Variants in VOPP1 observed in about 807,000 individuals in gnomAD.
The protein encoded by VOPP1 is WW domain binding protein VOPP1.
In VOPP1, 8 loss-of-function variants were observed where a neutral mutation model predicts 23.5. The ratio of observed to expected loss-of-function variants is 0.34; its 90% CI spans 0.20 to 0.61. VOPP1 has a LOEUF of 0.61. Among genes scored for constraint, VOPP1 ranks in the 20% least tolerant of loss-of-function variants. The pLI, the probability that VOPP1 is intolerant of heterozygous loss-of-function variation, is 0.78. For synonymous variants in VOPP1, 83 were observed against 97.3 expected, an observed-to-expected ratio of 0.85 and a Z score of 0.86; for missense variants, 174 against 238.1, an observed-to-expected ratio of 0.73 and a Z score of 1.77.
At chr7:55,534,382 T>G (rs1796662712) in intron 1 of VOPP1, among the ~76,000 whole-genome samples, 1 of 152,186 alleles carries the variant, frequency 6.6e-6, no homozygotes, top group South Asian at 2.1e-4. Flanking sequence ...ACCTGTGGCT[T>G]GGGCCAATTC....
chr7:55,565,667 G>A (rs769803742), intron 1 of VOPP1, among the ~76,000 whole-genome samples: 2 of 152,234 alleles, frequency 1.3e-5, no homozygotes, highest in South Asian at 4.1e-4. Context: ...CTATTGTGAG[G>A]TGTGGTGGAT....
chr7:55,453,654 A>C (rs112457744), intron 4 of VOPP1, among the ~76,000 whole-genome samples: 1,832 of 152,338 alleles, frequency 0.012, 13 homozygotes, highest in Admixed American at 0.021. Flanking sequence ...ACTAACATCA[A>C]ATATCACTGA....
downstream of VOPP1, among the ~76,000 whole-genome samples, chr7:55,469,412 A>C (rs1473809482): frequency 6.6e-6 from 1 of 152,186 alleles, no homozygotes; most frequent in African/African-American, 2.4e-5. Context: ...ACTCTGAGTT[A>C]GTTTTATCAC....
At chr7:55,442,761 T>C (rs1193296253) in intron 4 of VOPP1, among the ~76,000 whole-genome samples, 4 of 151,988 alleles carry the variant, frequency 2.6e-5, no homozygotes, top group Non-Finnish European at 5.9e-5. Context: ...TGAGGATGGA[T>C]GCAAGAGGCT....
In VOPP1 at chr7:55,445,244, G is replaced by GAC. The variant is rs202053072; in HGVS notation, n.418-9072_418-9071dup. 3.5e-3 allele frequency among the ~76,000 whole-genome samples: 425 copies of GAC among 121,474 alleles called. 2 individuals carry two copies. The highest frequency in any genetic ancestry group is 0.016 in the South Asian group (59 of 3,720). The allele number at this position is 121,474 out of a possible 152,430, so 79.7% of individuals were successfully genotyped here. ...ACACACACACAGACACACACACACA[G>GAC]ACACACACACACACACACAGACATA... On this transcript the variant is annotated intron_variant and non_coding_transcript_variant, in intron 4 of 4. Coordinates refer to the VOPP1 transcript ENST00000462326.
chr7:55,443,140 C>G (rs145283793), intron 4 of VOPP1, among the ~76,000 whole-genome samples: 2 of 151,926 alleles, frequency 1.3e-5, no homozygotes, highest in African/African-American at 4.8e-5. Flanking sequence ...AATAAATAAA[C>G]TAAAAAATAA....
chr7:55,567,577 C>G (rs749938877), intron 1 of VOPP1, among the ~76,000 whole-genome samples: 1 of 152,204 alleles, frequency 6.6e-6, no homozygotes, highest in Non-Finnish European at 1.5e-5. Context: ...GCCTTTATAG[C>G]TGTGCCCAAA....
intron 1 of VOPP1, among the ~76,000 whole-genome samples, chr7:55,556,638 C>T (rs1015872107): frequency 6.7e-6 from 1 of 148,912 alleles, no homozygotes; most frequent in East Asian, 2.0e-4. Flanking sequence ...CTGTTGGAAC[C>T]CCCCCCCAAA....
intron 1 of VOPP1, among the ~76,000 whole-genome samples, chr7:55,547,237 A>G (rs1373112821): frequency 6.6e-6 from 1 of 152,116 alleles, no homozygotes; most frequent in Non-Finnish European, 1.5e-5. Context: ...ACGGGGGACA[A>G]AGGGGCTCCA....
intron 4 of VOPP1, among the ~76,000 whole-genome samples, chr7:55,462,799 G>A (rs1359515276): frequency 1.3e-5 from 2 of 149,838 alleles, no homozygotes; most frequent in Non-Finnish European, 3.0e-5. Context: ...GGGACTACAG[G>A]CGCCCGCCAC....
intron 4 of VOPP1, among the ~76,000 whole-genome samples, chr7:55,481,512 G>A (rs1792709385): frequency 6.6e-6 from 1 of 152,262 alleles, no homozygotes; most frequent in Admixed American, 6.5e-5. Context: ...CAAGGCTCCT[G>A]GCTGGAGCCC....
intron 4 of VOPP1, among the ~76,000 whole-genome samples, chr7:55,461,405 C>T (rs1791497926): frequency 6.6e-6 from 1 of 152,078 alleles, no homozygotes; most frequent in Non-Finnish European, 1.5e-5. Flanking sequence ...AAAATGGATT[C>T]AGCTAGTCCA....
intron 1 of VOPP1, chr7:55,553,874 G>T (rs377276589): frequency 6.5e-6 from 1 of 152,730 alleles, no homozygotes; most frequent in African/African-American, 2.4e-5. Flanking sequence ...CAGCAGGGCT[G>T]CTCCCAAGTC....
At chr7:55,481,701 TG>T (rs2129013320) in intron 4 of VOPP1, among the ~76,000 whole-genome samples, 1 of 152,338 alleles carries the variant, frequency 6.6e-6, no homozygotes, top group Admixed American at 6.5e-5. Flanking sequence ...GGTGTCCTAC[TG>T]GGAGTAGTAA....
chr7:55,476,166 G>A (rs1314531698), intron 4 of VOPP1, among the ~76,000 whole-genome samples: 1 of 152,188 alleles, frequency 6.6e-6, no homozygotes, highest in Non-Finnish European at 1.5e-5. Flanking sequence ...TCACACCCTT[G>A]GCATGTCATC....
chr7:55,482,469 C>T (rs1792803047), intron 4 of VOPP1, among the ~76,000 whole-genome samples: 1 of 148,148 alleles, frequency 6.8e-6, no homozygotes, highest in Non-Finnish European at 1.5e-5. Context: ...GCACCCACCA[C>T]CACACCTGGC....
At position 55,471,428 on chromosome 7, in the gene VOPP1, A is replaced by C. The variant is rs1306117917; in HGVS notation, c.*1427T>G. ...GTATCCACTTCCATGAGATGTCTTG[A>C]TGCTCCAGTTCAATGAGTAACAATT... On this transcript the variant is annotated 3_prime_UTR_variant, in exon 5 of 5. Coordinates refer to ENST00000285279, the MANE Select transcript of VOPP1 (RefSeq NM_030796.5). The C allele has an allele frequency of 6.6e-6, 1 of 152,394 alleles. No individual in the cohort carries two copies. The highest frequency in any genetic ancestry group is 2.4e-5 in the African/African-American group (1 of 41,456). The allele number at this position is 152,394 out of a possible 1,614,324, so 9.4% of individuals were successfully genotyped here. A position where few individuals can be genotyped will look rare whatever the true frequency, so the allele number is the denominator to read the frequency against.
At chr7:55,555,478 G>A (rs1797771055) in intron 1 of VOPP1, among the ~76,000 whole-genome samples, 1 of 152,352 alleles carries the variant, frequency 6.6e-6, no homozygotes, top group South Asian at 2.1e-4. Flanking sequence ...GCGGCAACAT[G>A]TAGCTTCCAG....
At chr7:55,501,755 A>G (rs1417421008) in intron 2 of VOPP1, among the ~76,000 whole-genome samples, 1 of 152,100 alleles carries the variant, frequency 6.6e-6, no homozygotes, top group Non-Finnish European at 1.5e-5. Flanking sequence ...GAGGGGAATA[A>G]GGGGGGTGCA....
Sources: allele counts gnomAD v4.1 joint callset (sites outside exome capture counted in the v4.1 genomes callset), GRCh38; gene constraint gnomAD v4.1.1; transcripts MANE v1.5; gene names NCBI Gene and HGNC (gene_info 2026-07-23, HGNC 2026-07-21).